ARHGAP20: variants seen among roughly 807,000 people sequenced by gnomAD.
The protein encoded by ARHGAP20 is rho GTPase-activating protein 20.
A neutral mutation model predicts 73.7 loss-of-function variants in ARHGAP20; 34 were observed. The observed-to-expected ratio is 0.46, with a 90% CI of 0.35 to 0.61. The LOEUF is 0.61. Among genes scored for constraint, ARHGAP20 ranks in the 20% least tolerant of loss-of-function variants. The pLI is 0.00. For missense variants in ARHGAP20, 1,314 were observed against 1,420.9 expected (o/e 0.92, Z 1.21); for synonymous variants, 523 against 518.2 (o/e 1.01, Z -0.13).
At chr11:110,696,761 T>G (rs1950344116) in intron 1 of ARHGAP20, among the ~76,000 whole-genome samples, 1 of 151,652 alleles carries the variant, frequency 6.6e-6, no homozygotes, top group African/African-American at 2.4e-5. Flanking sequence ...TGTTTATTAT[T>G]TCCATCTTTA....
rs1950679555 is a variant in ARHGAP20 at position 110,712,174 on chromosome 11, A to T, written c.58T>A (p.Ser20Thr). 7.3e-7 allele frequency: 1 copy of T among 1,369,002 alleles called. No homozygotes were observed. Among genetic ancestry groups the T allele is most frequent in the South Asian group, 2.2e-5 (1 of 45,358 alleles). The allele number at this position is 1,369,002 out of a possible 1,614,324, so 84.8% of individuals were successfully genotyped here. The part of the protein sequence containing the change: ...TLGGQPGRSS[S>T]LTGVSRLAGG... ...GCGAGCCGAGACACTCCTGTCAGGG[A>T]AGAGGAGCGCCCCGGCTGTCCCCCT... Residue 20 changes from serine (S) to threonine (T), a missense_variant, in exon 1 of 15, where the codon TCC becomes ACC. Physicochemically the swap from Ser to Thr is moderately conservative, Grantham distance 58. Transcript: ENST00000683387.
In ARHGAP20 at chr11:110,704,577, C is replaced by T. The variant is rs564780162; in HGVS notation, c.105+7550G>A. On this transcript the variant is annotated intron_variant, in intron 1 of 14. Coordinates refer to ENST00000683387, the MANE Select transcript of ARHGAP20 (RefSeq NM_001384657.1). Reference sequence around the variant, plus strand: ...GAAATAAAATATAATATAAACTGGGCTATATTGCCTACAAGCCTCATTATT... The same window carrying T: ...GAAATAAAATATAATATAAACTGGGTTATATTGCCTACAAGCCTCATTATT... Among the ~76,000 whole-genome samples, 233 of 119,566 alleles carry T rather than the reference C, an allele frequency of 1.9e-3. 1 individual carries two copies. Among genetic ancestry groups the T allele is most frequent in the African/African-American group, 6.3e-3 (213 of 33,634 alleles). The allele number at this position is 119,566 out of a possible 152,430, so 78.4% of individuals were successfully genotyped here. A position where few individuals can be genotyped will look rare whatever the true frequency, so the allele number is the denominator to read the frequency against.
chr11:110,691,562 T>A (rs529867353), intron 1 of ARHGAP20, among the ~76,000 whole-genome samples: 1 of 152,300 alleles, frequency 6.6e-6, no homozygotes, highest in African/African-American at 2.4e-5. Flanking sequence ...ACTAGGCAGC[T>A]CAGTGTCGGT....
intron 1 of ARHGAP20, chr11:110,711,831 A>G: frequency 7.6e-7 from 1 of 1,311,080 alleles, no homozygotes; most frequent in Non-Finnish European, 9.7e-7. Flanking sequence ...AGACTGAGGG[A>G]GGAGCCGGGC....
intron 2 of ARHGAP20, among the ~76,000 whole-genome samples, chr11:110,657,034 G>T (rs891533964): frequency 6.6e-6 from 1 of 151,998 alleles, no homozygotes; most frequent in African/African-American, 2.4e-5. Flanking sequence ...CAGTTCAATT[G>T]GTTGTTTTAC....
chr11:110,695,118 A>G (rs1386637815), intron 1 of ARHGAP20, among the ~76,000 whole-genome samples: 1 of 151,662 alleles, frequency 6.6e-6, no homozygotes, highest in Non-Finnish European at 1.5e-5. Flanking sequence ...CAACAAATAA[A>G]TGGTGCTGAG....
intron 2 of ARHGAP20, among the ~76,000 whole-genome samples, chr11:110,677,879 T>C (rs1949964326): frequency 6.6e-6 from 1 of 152,076 alleles, no homozygotes; most frequent in South Asian, 2.1e-4. Flanking sequence ...TCCTAGTATA[T>C]ACCCAAGAGG....
intron 9 of ARHGAP20, among the ~76,000 whole-genome samples, chr11:110,601,331 AG>A (rs1948105282): frequency 2.0e-5 from 3 of 152,366 alleles, no homozygotes; most frequent in African/African-American, 7.2e-5. Flanking sequence ...CCCCATTAAA[AG>A]TCAGGTTAAT....
chr11:110,677,185 T>C (rs563667568), intron 2 of ARHGAP20, among the ~76,000 whole-genome samples: 6 of 152,328 alleles, frequency 3.9e-5, no homozygotes, highest in African/African-American at 1.4e-4. Flanking sequence ...TGCATGTACA[T>C]ATATAATACT....
At chr11:110,589,280 G>A (rs1002475462) in intron 11 of ARHGAP20, 1 of 431,020 alleles carries the variant, frequency 2.3e-6, no homozygotes, top group South Asian at 9.8e-5. Flanking sequence ...AACAGATGAG[G>A]TGACCTTAGC....
At chr11:110,686,578 T>C (rs1565477424) in intron 2 of ARHGAP20, among the ~76,000 whole-genome samples, 1 of 152,092 alleles carries the variant, frequency 6.6e-6, no homozygotes, top group Non-Finnish European at 1.5e-5. Context: ...TATAAGCAAA[T>C]CAACATAAAA....
chr11:110,684,035 C>G (rs1876199), intron 2 of ARHGAP20, among the ~76,000 whole-genome samples: 46,036 of 152,056 alleles, frequency 0.3, 7,760 homozygotes, highest in African/African-American at 0.47. Context: ...GCCTTCACCA[C>G]GCATGAAACC....
At position 110,677,112 on chromosome 11, in the gene ARHGAP20, A is replaced by C. The variant is rs77242653; in HGVS notation, c.188+13435T>G. ...TTGGTCTTCATTATCATGATGTTTC[A>C]GGTTCAAGTGCTTTGGGGCCTTACA... On this transcript the variant is annotated intron_variant, in intron 2 of 14. Coordinates refer to ENST00000683387, the MANE Select transcript of ARHGAP20 (RefSeq NM_001384657.1). Among the ~76,000 whole-genome samples the C allele has an allele frequency of 7.5e-3, 1,148 of 152,290 alleles. 22 individuals carry two copies. The highest frequency in any genetic ancestry group is 0.026 in the African/African-American group (1,091 of 41,556).
In ARHGAP20 at chr11:110,628,742, AAAGTT is replaced by A. The variant is rs370034431; in HGVS notation, c.353+1881_353+1885del. 5.4e-3 allele frequency among the ~76,000 whole-genome samples: 826 copies of A among 152,318 alleles called. 3 individuals carry two copies. Among genetic ancestry groups the A allele is most frequent in the South Asian group, 0.022 (106 of 4,828 alleles). On this transcript the variant is annotated intron_variant, in intron 3 of 14. Transcript: ENST00000683387. ...TCACGAAAACATTAAAGTGGACATTAAAGTTATCTCAAAAGCAGTGTATGGGAAAA... is the reference window on the plus strand; with the variant it reads ...TCACGAAAACATTAAAGTGGACATTAATCTCAAAAGCAGTGTATGGGAAAA...
At chr11:110,597,798 C>T (rs991244389) in intron 9 of ARHGAP20, among the ~76,000 whole-genome samples, 1 of 152,144 alleles carries the variant, frequency 6.6e-6, no homozygotes, top group East Asian at 1.9e-4. Context: ...TATATACACA[C>T]GGCATTCAAC....
At chr11:110,711,637 C>T (rs1290500433) in intron 1 of ARHGAP20, 3 of 1,478,954 alleles carry the variant, frequency 2.0e-6, no homozygotes, top group East Asian at 2.8e-5. Context: ...AGCCCACCAG[C>T]GCCGCAGCCC....
In ARHGAP20 at chr11:110,583,589, C is replaced by T. The variant is rs7936020; in HGVS notation, c.1564G>A (p.Ala522Thr). The change falls in exon 13 of 15, where the codon GCT (alanine) becomes ACT (threonine). Residue 522 changes from alanine to threonine, a missense_variant. Transcript: ENST00000683387. Reference protein sequence around the residue: ...CVAPSILWPPASSSPELENEF... With the variant: ...CVAPSILWPPTSSSPELENEF... ...TTTTCTAGTTCTGGGCTGGAGGAAGCAGGAGGCCAAAGAATACTTGGAGCG... is the reference window on the plus strand; with the variant it reads ...TTTTCTAGTTCTGGGCTGGAGGAAGTAGGAGGCCAAAGAATACTTGGAGCG... 9.1e-3 allele frequency: 14,725 copies of T among 1,610,624 alleles called. 692 individuals are homozygous for T. The African/African-American group carries it at 0.13, about 14-fold the overall frequency.
intron 3 of ARHGAP20, among the ~76,000 whole-genome samples, chr11:110,628,683 A>C (rs1321607321): frequency 6.6e-6 from 1 of 152,210 alleles, no homozygotes; most frequent in African/African-American, 2.4e-5. Context: ...CTTAAATAAC[A>C]GCATTTAAAT....
At chr11:110,591,151 G>A (rs905096645) in intron 10 of ARHGAP20, among the ~76,000 whole-genome samples, 1 of 152,172 alleles carries the variant, frequency 6.6e-6, no homozygotes, top group African/African-American at 2.4e-5. Context: ...TGAATTTTAA[G>A]TGTTCTCTAA....
Sources: gnomAD v4.1 joint callset for allele counts (sites outside exome capture counted in the v4.1 genomes callset) on GRCh38, gnomAD v4.1.1 for gene constraint, MANE v1.5 for transcripts, NCBI Gene and HGNC (gene_info 2026-07-23, HGNC 2026-07-21) for gene names.